The following KLHL29 variants were observed in gnomAD, a reference collection of about 807,000 sequenced individuals.
The protein encoded by KLHL29 is kelch like family member 29.
KLHL29 carries 21 observed loss-of-function variants against 80.4 expected under a neutral mutation model. The observed-to-expected ratio is 0.26, with a 90% CI of 0.19 to 0.38. The LOEUF (loss-of-function observed/expected upper bound fraction) is 0.38. KLHL29 is among the 10% of genes least tolerant of loss of function. The pLI is 1.00. For synonymous variants in KLHL29, 511 were observed against 526.8 expected, an observed-to-expected ratio of 0.97 and a Z score of 0.41; for missense variants, 867 against 1,223.9, an observed-to-expected ratio of 0.71 and a Z score of 4.35.
At position 23,642,463 on chromosome 2, in the gene KLHL29, G is replaced by A; in HGVS notation, c.553G>A (p.Val185Met). 1.3e-6 allele frequency: 2 copies of A among 1,511,684 alleles called. No homozygotes were observed. Among genetic ancestry groups the A allele is most frequent in the South Asian group, 2.6e-5 (2 of 77,140 alleles). The allele number at this position is 1,511,684 out of a possible 1,614,324, so 93.6% of individuals were successfully genotyped here. The change falls in exon 5 of 14, where the codon GTG becomes ATG. Residue 185 changes from valine (V) to methionine (M), a missense_variant. Val to Met is a conservative substitution (Grantham distance 21). This residue lies in a region of KLHL29 where 424 missense variants were observed against 456.9 expected (regional missense o/e 0.93). Coordinates refer to ENST00000486442, the MANE Select transcript of KLHL29 (RefSeq NM_052920.2). Reference protein sequence around the residue: ...AVNVQAPVIGVTPSLPPHVGP... With the variant: ...AVNVQAPVIGMTPSLPPHVGP... ...GAACGTCCAGGCCCCGGTCATTGGGGTGACCCCCTCACTGCCTCCCCACGT... is the reference window on the plus strand; with the variant it reads ...GAACGTCCAGGCCCCGGTCATTGGGATGACCCCCTCACTGCCTCCCCACGT...
At chr2:23,559,152 G>A (rs777860068) in intron 2 of KLHL29, among the ~76,000 whole-genome samples, 9 of 152,170 alleles carry the variant, frequency 5.9e-5, no homozygotes, top group Admixed American at 4.6e-4. Flanking sequence ...AAAGAGCAGC[G>A]TGGACTTGGA....
intron 1 of KLHL29, among the ~76,000 whole-genome samples, chr2:23,402,108 T>G (rs1211666151): frequency 2.0e-5 from 3 of 152,064 alleles, no homozygotes; most frequent in Non-Finnish European, 4.4e-5. Flanking sequence ...GAGCCAGAAC[T>G]GGAATCCCAG....
At chr2:23,617,046 A>G (rs2149141024) in intron 3 of KLHL29, 1 of 152,362 alleles carries the variant, frequency 6.6e-6, no homozygotes, top group East Asian at 1.9e-4. Context: ...ATATGAACAC[A>G]CTTTTATTTA....
At chr2:23,666,673 G>T (rs571306011) in intron 5 of KLHL29, among the ~76,000 whole-genome samples, 1 of 152,244 alleles carries the variant, frequency 6.6e-6, no homozygotes, top group Non-Finnish European at 1.5e-5. Context: ...GTGACTGAGC[G>T]AGTTTCCTTC....
chr2:23,624,195 C>A (rs1003844468), intron 3 of KLHL29, among the ~76,000 whole-genome samples: 9 of 152,110 alleles, frequency 5.9e-5, no homozygotes, highest in African/African-American at 2.2e-4. Flanking sequence ...ATCTCTGGGG[C>A]AGTTGTGACC....
intron 2 of KLHL29, among the ~76,000 whole-genome samples, chr2:23,502,287 C>G (rs373085419): frequency 6.6e-6 from 1 of 152,182 alleles, no homozygotes; most frequent in East Asian, 1.9e-4. Context: ...GGAGAGAGAG[C>G]GAGAGAGAGG....
intron 3 of KLHL29, among the ~76,000 whole-genome samples, chr2:23,569,127 GA>G (rs1296191658): frequency 6.6e-6 from 1 of 152,230 alleles, no homozygotes; most frequent in Non-Finnish European, 1.5e-5. Context: ...AGGACATGCA[GA>G]AGGACATATG....
chr2:23,657,727 C>G (rs1410710640), intron 5 of KLHL29, among the ~76,000 whole-genome samples: 1 of 152,204 alleles, frequency 6.6e-6, no homozygotes, highest in Non-Finnish European at 1.5e-5. Context: ...ATCTCCTCAC[C>G]CCCTGGGCCC....
chr2:23,441,514 C>T lies in KLHL29; in HGVS notation c.-153-34046C>T, dbSNP rs568689336. 2.7e-5 allele frequency among the ~76,000 whole-genome samples: 4 copies of T among 148,072 alleles called. No individual in the cohort carries two copies. The East Asian group carries it at 7.8e-4, about 29-fold the overall frequency. Reference sequence around the variant, plus strand: ...AATAATAATTAATAATAAAAGAAATCAGAGAAAAAAAAAACTTAGTAACCT... The same window carrying T: ...AATAATAATTAATAATAAAAGAAATTAGAGAAAAAAAAAACTTAGTAACCT... On this transcript the variant is annotated intron_variant, in intron 1 of 13. Coordinates refer to ENST00000486442, the MANE Select transcript of KLHL29 (RefSeq NM_052920.2).
At chr2:23,674,291 A>C (rs1421836737) in intron 5 of KLHL29, among the ~76,000 whole-genome samples, 1 of 152,142 alleles carries the variant, frequency 6.6e-6, no homozygotes, top group Non-Finnish European at 1.5e-5. Context: ...TTAATGAATA[A>C]ACAAAGGGGC....
intron 1 of KLHL29, among the ~76,000 whole-genome samples, chr2:23,409,611 C>T (rs1429382374): frequency 6.6e-6 from 1 of 152,244 alleles, no homozygotes; most frequent in Admixed American, 6.5e-5. Context: ...GACTGTAAGG[C>T]AGTGCGTCTT....
Position 23,490,871 on chromosome 2 carries a change from G to T in KLHL29, c.-46+15204G>T, listed in dbSNP as rs146057829. Among the ~76,000 whole-genome samples the T allele has an allele frequency of 1.8e-3, 269 of 152,284 alleles. 1 individual carries two copies. The highest frequency in any genetic ancestry group is 5.8e-3 in the Admixed American group (89 of 15,298). On this transcript the variant is annotated intron_variant, in intron 2 of 13. Coordinates refer to ENST00000486442, the MANE Select transcript of KLHL29 (RefSeq NM_052920.2). ...TAACGGGCAGCCCTGGGCCCATCCA[G>T]TTGCCAGCTGTGGTGGTCCAGGAGG... is the stretch of plus-strand genomic sequence containing the variant.
chr2:23,460,174 T>C (rs1010922205), intron 1 of KLHL29, among the ~76,000 whole-genome samples: 1 of 152,200 alleles, frequency 6.6e-6, no homozygotes, highest in Admixed American at 6.5e-5. Context: ...GAGCACTAAA[T>C]TTATTTTATT....
intron 1 of KLHL29, among the ~76,000 whole-genome samples, chr2:23,388,204 A>T (rs1221950570): frequency 6.6e-6 from 1 of 152,248 alleles, no homozygotes; most frequent in African/African-American, 2.4e-5. Context: ...GTGGGAGACA[A>T]GCAAGACTGA....
chr2:23,523,772 C>T (rs756583392), intron 2 of KLHL29, among the ~76,000 whole-genome samples: 18 of 152,180 alleles, frequency 1.2e-4, no homozygotes, highest in Non-Finnish European at 2.6e-4. Flanking sequence ...GCCAATAAGC[C>T]GACGAGGGAG....
intron 1 of KLHL29, among the ~76,000 whole-genome samples, chr2:23,386,654 G>T (rs892921636): frequency 6.6e-5 from 10 of 152,130 alleles, no homozygotes; most frequent in African/African-American, 2.2e-4. Context: ...CTCGCGTCCC[G>T]GTCTCCGTGG....
At chr2:23,479,777 C>T (rs1330312582) in intron 2 of KLHL29, among the ~76,000 whole-genome samples, 1 of 152,264 alleles carries the variant, frequency 6.6e-6, no homozygotes, top group Admixed American at 6.5e-5. Flanking sequence ...CCATGCATCT[C>T]CTTCTCCTTT....
At chr2:23,473,376 C>G (rs927147413) in intron 1 of KLHL29, among the ~76,000 whole-genome samples, 1 of 152,036 alleles carries the variant, frequency 6.6e-6, no homozygotes, top group African/African-American at 2.4e-5. Context: ...CAAAAGGGCC[C>G]AACACAAAAC....
intron 2 of KLHL29, among the ~76,000 whole-genome samples, chr2:23,495,633 C>G (rs1665240463): frequency 6.6e-6 from 1 of 152,162 alleles, no homozygotes; most frequent in Admixed American, 6.5e-5. Flanking sequence ...GCTTTGGGGT[C>G]AAGCCTGCAC....
Sources: allele counts gnomAD v4.1 joint callset (sites outside exome capture counted in the v4.1 genomes callset), GRCh38; gene constraint gnomAD v4.1.1; regional missense constraint gnomAD v4.1.1; transcripts MANE v1.5; gene names NCBI Gene and HGNC (gene_info 2026-07-23, HGNC 2026-07-21).